TPST1: variants seen among roughly 807,000 people sequenced by gnomAD.
The protein encoded by TPST1 is tyrosylprotein sulfotransferase 1, also known as protein-tyrosine sulfotransferase 1.
In TPST1, 20 loss-of-function variants were observed where a neutral mutation model predicts 34.8. That is an observed-to-expected ratio of 0.57 (90% CI 0.40 to 0.84). The LOEUF is 0.84. Ranked by LOEUF, TPST1 falls within the 40% of genes least tolerant of loss-of-function variation. The pLI, the probability that TPST1 is intolerant of heterozygous loss-of-function variation, is 0.00. For synonymous variants in TPST1, 152 were observed against 159.4 expected (o/e 0.95, Z 0.35); for missense variants, 353 against 455.5 (o/e 0.78, Z 2.05).
At chr7:66,322,974 G>T (rs954997876) in intron 3 of TPST1, among the ~76,000 whole-genome samples, 1 of 151,700 alleles carries the variant, frequency 6.6e-6, no homozygotes, top group East Asian at 1.9e-4. Context: ...GATATGAATG[G>T]TAACTCATTA....
chr7:66,317,142 C>T (rs1360732557), intron 3 of TPST1, among the ~76,000 whole-genome samples: 5 of 152,210 alleles, frequency 3.3e-5, no homozygotes, highest in African/African-American at 1.2e-4. Context: ...TCTGATCTTG[C>T]ACCACTTGTG....
intron 3 of TPST1, among the ~76,000 whole-genome samples, chr7:66,337,311 T>TTA (rs1246705454): frequency 6.8e-6 from 1 of 147,966 alleles, no homozygotes; most frequent in African/African-American, 2.5e-5. Flanking sequence ...TTTTTTTTTT[T>TTA]TTTTTTTTTT....
At chr7:66,349,619 A>C (rs1270369341) in intron 3 of TPST1, among the ~76,000 whole-genome samples, 1 of 152,028 alleles carries the variant, frequency 6.6e-6, no homozygotes, top group South Asian at 2.1e-4. Context: ...TGAGACCTCA[A>C]CCCACTGACA....
At position 66,328,906 on chromosome 7, in the gene TPST1, ATTTTTTT is replaced by A. The variant is rs1172711561; in HGVS notation, c.1045-23582_1045-23576del. Among the ~76,000 whole-genome samples, 6 of 13,158 alleles carry A rather than the reference ATTTTTTT, an allele frequency of 4.6e-4. No individual in the cohort carries two copies. In the East Asian group the frequency reaches 6.7e-3, roughly 15 times the overall value. 8.6% of individuals were successfully genotyped at this position (13,158 alleles called of 152,430 possible). A position where few individuals can be genotyped will look rare whatever the true frequency, so the allele number is the denominator to read the frequency against. ...TCTCTCTATATATATATATATATATATTTTTTTTTTTTTTTTTTTTTTTGAGACAGGG... is the reference window on the plus strand; with the variant it reads ...TCTCTCTATATATATATATATATATATTTTTTTTTTTTTTTTGAGACAGGG... On this transcript the variant is annotated intron_variant, in intron 3 of 5. Coordinates refer to ENST00000304842, the MANE Select transcript of TPST1 (RefSeq NM_003596.4).
Position 66,280,384 on chromosome 7 carries a change from A to G in TPST1, c.846-6127A>G, listed in dbSNP as rs536454467. Reference sequence around the variant, plus strand: ...ACACATGGTTCAAGTTTTCGTGGCTATTGTGAATGGGATTGTGTTTTTGAT... The same window carrying G: ...ACACATGGTTCAAGTTTTCGTGGCTGTTGTGAATGGGATTGTGTTTTTGAT... On this transcript the variant is annotated intron_variant, in intron 2 of 5. Coordinates refer to ENST00000304842, the MANE Select transcript of TPST1 (RefSeq NM_003596.4). 1.6e-4 allele frequency among the ~76,000 whole-genome samples: 25 copies of G among 152,270 alleles called. No individual in the cohort carries two copies. In the South Asian group the frequency reaches 5.0e-3, roughly 30 times the overall value.
chr7:66,335,754 CA>C (rs1215742184), intron 3 of TPST1, among the ~76,000 whole-genome samples: 2 of 152,116 alleles, frequency 1.3e-5, no homozygotes, highest in African/African-American at 2.4e-5. Flanking sequence ...AAGTCTTCCC[CA>C]GAATGGGAAG....
In TPST1 at chr7:66,332,104, G is replaced by A. The variant is rs1425824963; in HGVS notation, c.1045-20401G>A. On this transcript the variant is annotated intron_variant, in intron 3 of 5. Transcript: ENST00000304842. The surrounding 1 kb of genome is among the most constrained non-coding windows in gnomAD (Gnocchi z 4.5). ...AAATAAAGTGCACAGTAAACGTAATGTGCTTGAATCATCCGGAAACCATCC... is the reference window on the plus strand; with the variant it reads ...AAATAAAGTGCACAGTAAACGTAATATGCTTGAATCATCCGGAAACCATCC... Among the ~76,000 whole-genome samples the A allele has an allele frequency of 6.6e-6, 1 of 152,118 alleles. No individual in the cohort carries two copies. The highest frequency in any genetic ancestry group is 2.4e-5 in the African/African-American group (1 of 41,424).
chr7:66,328,904 A>T (rs866106996), intron 3 of TPST1, among the ~76,000 whole-genome samples: 1,015 of 25,906 alleles, frequency 0.039, 29 homozygotes, highest in East Asian at 0.049. Context: ...ATATATATAT[A>T]TATTTTTTTT....
chr7:66,305,271 C>T (rs1791399534), intron 3 of TPST1, among the ~76,000 whole-genome samples: 1 of 152,164 alleles, frequency 6.6e-6, no homozygotes, highest in Non-Finnish European at 1.5e-5. Context: ...TTCATGTGAT[C>T]ATGGCAGGTA....
At chr7:66,323,573 C>G (rs975256228) in intron 3 of TPST1, among the ~76,000 whole-genome samples, 1 of 151,920 alleles carries the variant, frequency 6.6e-6, no homozygotes, top group African/African-American at 2.4e-5. Flanking sequence ...TGGGCTGCAT[C>G]GAAACTAAAA....
intron 1 of TPST1, among the ~76,000 whole-genome samples, chr7:66,208,008 G>A (rs939414854): frequency 6.6e-6 from 1 of 150,838 alleles, no homozygotes; most frequent in Non-Finnish European, 1.5e-5. Flanking sequence ...CAGAAGACTG[G>A]TTCAGACCTT....
At chr7:66,220,974 A>G (rs908583846) in intron 1 of TPST1, among the ~76,000 whole-genome samples, 15 of 152,080 alleles carry the variant, frequency 9.9e-5, no homozygotes, top group African/African-American at 2.2e-4. Flanking sequence ...CTCTACTAAA[A>G]ATGCAAAAAT....
chr7:66,246,789 A>G (rs1307207862), intron 2 of TPST1, among the ~76,000 whole-genome samples: 4 of 152,198 alleles, frequency 2.6e-5, no homozygotes, highest in Admixed American at 2.0e-4. Context: ...CATTTCATCT[A>G]CATTCTAAGC....
At chr7:66,281,239 G>T (rs931589431) in intron 2 of TPST1, among the ~76,000 whole-genome samples, 7 of 152,092 alleles carry the variant, frequency 4.6e-5, no homozygotes, top group African/African-American at 1.7e-4. Context: ...TAGTATTTTT[G>T]TTGAGGATTT....
chr7:66,236,648 C>A (rs976920716), intron 1 of TPST1, among the ~76,000 whole-genome samples: 9 of 152,182 alleles, frequency 5.9e-5, no homozygotes, highest in African/African-American at 2.2e-4. Context: ...ACCTTGGGCA[C>A]AGGTCATCAG....
intron 2 of TPST1, among the ~76,000 whole-genome samples, chr7:66,258,112 T>C (rs1790415111): frequency 6.6e-6 from 1 of 152,216 alleles, no homozygotes; most frequent in South Asian, 2.1e-4. Context: ...TGACCTGTAA[T>C]TTTCCCTTTT....
At chr7:66,347,019 G>T (rs1792365046) in intron 3 of TPST1, among the ~76,000 whole-genome samples, 1 of 147,208 alleles carries the variant, frequency 6.8e-6, no homozygotes, top group African/African-American at 2.5e-5. Flanking sequence ...AAGAGATAGG[G>T]GTCTAGTTTC....
chr7:66,218,145 C>G (rs988841582), intron 1 of TPST1, among the ~76,000 whole-genome samples: 1 of 152,170 alleles, frequency 6.6e-6, no homozygotes, highest in South Asian at 2.1e-4. Context: ...TCCCAACATG[C>G]TGGGATTATA....
intron 2 of TPST1, among the ~76,000 whole-genome samples, chr7:66,268,581 A>G (rs1015191681): frequency 6.6e-6 from 1 of 152,238 alleles, no homozygotes. Flanking sequence ...TAGGATAAAT[A>G]AAAACCAAAA....
Sources: gnomAD v4.1 joint callset for allele counts (sites outside exome capture counted in the v4.1 genomes callset) on GRCh38, gnomAD v4.1.1 for gene constraint, Gnocchi (gnomAD v3.1) non-coding constraint, MANE v1.5 for transcripts, NCBI Gene and HGNC (gene_info 2026-07-23, HGNC 2026-07-21) for gene names.